SPIDR: variants seen among roughly 807,000 people sequenced by gnomAD.
The protein encoded by SPIDR is DNA repair-scaffolding protein.
SPIDR carries 93 observed loss-of-function variants against 104.6 expected under a neutral mutation model. That is an observed-to-expected ratio of 0.89 (90% confidence interval 0.75 to 1.06). SPIDR has a LOEUF of 1.06. Among genes scored for constraint, SPIDR ranks in the 50% least tolerant of loss-of-function variants. SPIDR has a pLI of 0.00. For synonymous variants in SPIDR, 431 were observed against 416.9 expected, an observed-to-expected ratio of 1.03 and a Z score of -0.41; for missense variants, 1,154 against 1,111.2, an observed-to-expected ratio of 1.04 and a Z score of -0.55.
At chr8:47,319,266 GA>G (rs1171061421) in intron 5 of SPIDR, among the ~76,000 whole-genome samples, 1 of 151,600 alleles carries the variant, frequency 6.6e-6, no homozygotes, top group African/African-American at 2.4e-5. Flanking sequence ...CAAGGAAATG[GA>G]AAACAAAAAA....
rs556866260 is a variant in SPIDR at position 47,552,033 on chromosome 8, G to A, written c.1098-43778G>A. On this transcript the variant is annotated intron_variant, in intron 8 of 19. Transcript: ENST00000297423. ...CTGCCTTCATTTCGTTATGTACCCA[G>A]TAGTCATTCAGGAGCAGGTTGTTCA... 6.6e-5 allele frequency among the ~76,000 whole-genome samples: 10 copies of A among 152,290 alleles called. No homozygotes were observed. In the South Asian group the frequency reaches 1.5e-3, roughly 22 times the overall value.
intron 10 of SPIDR, among the ~76,000 whole-genome samples, chr8:47,600,009 C>T (rs1479102746): frequency 2.0e-5 from 3 of 152,160 alleles, no homozygotes; most frequent in Admixed American, 6.5e-5. Flanking sequence ...CCACCCGCCT[C>T]GGCCTCCCAA....
rs587755807 is a variant in SPIDR at position 47,306,936 on chromosome 8, A to G, written c.525+12906A>G. On this transcript the variant is annotated intron_variant, in intron 5 of 19. Transcript: ENST00000297423. ...CTGTTCTGGTTAGTATTTGCATGGA[A>G]TATCTTTTTCTGTCTTTTAATTTTC... Among the ~76,000 whole-genome samples the G allele has an allele frequency of 3.3e-5, 5 of 152,244 alleles. No homozygotes were observed. The South Asian group carries it at 1.0e-3, about 32-fold the overall frequency.
In SPIDR at chr8:47,703,909, G is replaced by A. The variant is rs1303352697; in HGVS notation, c.1977+1894G>A. On this transcript the variant is annotated intron_variant, in intron 14 of 19. Coordinates refer to ENST00000297423, the MANE Select transcript of SPIDR (RefSeq NM_001080394.4). ...GAGACGGGGAGGGCCATCTACTGACGGCCACCGAGTAGGATGCAAGCTTGT... is the reference window on the plus strand; with the variant it reads ...GAGACGGGGAGGGCCATCTACTGACAGCCACCGAGTAGGATGCAAGCTTGT... Among the ~76,000 whole-genome samples, 12 of 152,140 alleles carry A rather than the reference G, an allele frequency of 7.9e-5. No homozygotes were observed. The East Asian group carries it at 1.9e-3, about 24-fold the overall frequency.
In SPIDR at chr8:47,538,946, C is replaced by G. The variant is rs530077829; in HGVS notation, c.1098-56865C>G. Among the ~76,000 whole-genome samples, 506 of 150,238 alleles carry G rather than the reference C, an allele frequency of 3.4e-3. 7 individuals are homozygous for G. The highest frequency in any genetic ancestry group is 0.012 in the African/African-American group (478 of 40,908). ...CACGATCTCGGCTCACTGCAACCTC[C>G]GCTTCCCAGGTTCAAGTGATTCTCC... On this transcript the variant is annotated intron_variant, in intron 8 of 19. Transcript: ENST00000297423.
At chr8:47,639,492 T>C (rs929999720) in intron 10 of SPIDR, among the ~76,000 whole-genome samples, 1 of 152,248 alleles carries the variant, frequency 6.6e-6, no homozygotes, top group Non-Finnish European at 1.5e-5. Context: ...TTTTTGACTT[T>C]TAGTTGTAGT....
At chr8:47,275,199 C>T (rs1053620433) in intron 1 of SPIDR, among the ~76,000 whole-genome samples, 34 of 151,514 alleles carry the variant, frequency 2.2e-4, no homozygotes, top group Non-Finnish European at 4.4e-4. Flanking sequence ...GTGGAGCTTG[C>T]AGTGAGCCCA....
intron 8 of SPIDR, among the ~76,000 whole-genome samples, chr8:47,503,594 C>T (rs1000950854): frequency 2.6e-5 from 4 of 152,140 alleles, no homozygotes; most frequent in Non-Finnish European, 5.9e-5. Flanking sequence ...ATCCAATTTG[C>T]CAGTCTGTGT....
intron 8 of SPIDR, among the ~76,000 whole-genome samples, chr8:47,577,234 A>C (rs7817202): frequency 6.6e-6 from 1 of 152,238 alleles, no homozygotes; most frequent in Non-Finnish European, 1.5e-5. Flanking sequence ...TAAACTGTTC[A>C]TGTCAACAAG....
At chr8:47,505,660 A>G (rs1185084464) in intron 8 of SPIDR, among the ~76,000 whole-genome samples, 19 of 151,666 alleles carry the variant, frequency 1.3e-4, no homozygotes, top group Admixed American at 1.2e-3. Context: ...CCCCAGTGCG[A>G]TACCTCAGTT....
chr8:47,500,461 A>G (rs150561782), intron 8 of SPIDR, among the ~76,000 whole-genome samples: 2 of 152,186 alleles, frequency 1.3e-5, no homozygotes, highest in Admixed American at 6.5e-5. Context: ...GTGTCTGTTC[A>G]TATCCTTCAC....
intron 7 of SPIDR, among the ~76,000 whole-genome samples, chr8:47,431,880 G>A (rs2067422568): frequency 1.3e-5 from 2 of 152,162 alleles, no homozygotes; most frequent in South Asian, 2.1e-4. Context: ...TTATGGGGGA[G>A]CATAAATTTT....
rs546537552 is a variant in SPIDR, at chr8:47,565,422, A to G, written c.1098-30389A>G. ...AAATTCTTTTTATTTTAACATTTTA[A>G]AAGTGAAAATAAAGAACCTTGTACC... On this transcript the variant is annotated intron_variant, in intron 8 of 19. Coordinates refer to ENST00000297423, the MANE Select transcript of SPIDR (RefSeq NM_001080394.4). Among the ~76,000 whole-genome samples the G allele has an allele frequency of 2.8e-3, 419 of 152,332 alleles. 1 individual carries two copies. The highest frequency in any genetic ancestry group is 9.8e-3 in the African/African-American group (409 of 41,576).
At chr8:47,629,515 G>A (rs1157768916) in intron 10 of SPIDR, among the ~76,000 whole-genome samples, 1 of 152,224 alleles carries the variant, frequency 6.6e-6, no homozygotes, top group African/African-American at 2.4e-5. Flanking sequence ...CACTTTGGGA[G>A]GCCGAGGCAG....
intron 5 of SPIDR, among the ~76,000 whole-genome samples, chr8:47,351,255 A>G (rs559257701): frequency 6.6e-6 from 1 of 152,256 alleles, no homozygotes; most frequent in African/African-American, 2.4e-5. Context: ...ATCTATGGTG[A>G]ATATAGCGTT....
intron 5 of SPIDR, among the ~76,000 whole-genome samples, chr8:47,333,189 G>A (rs1165169426): frequency 6.6e-6 from 1 of 152,134 alleles, no homozygotes; most frequent in Non-Finnish European, 1.5e-5. Flanking sequence ...CTGTCATCTT[G>A]TATGATATCA....
At chr8:47,580,416 A>G (rs1421681665) in intron 8 of SPIDR, among the ~76,000 whole-genome samples, 4 of 152,158 alleles carry the variant, frequency 2.6e-5, no homozygotes, top group African/African-American at 9.7e-5. Flanking sequence ...CATTAATTTC[A>G]TTTTCACAAG....
At chr8:47,321,463 G>A (rs1488978310) in intron 5 of SPIDR, among the ~76,000 whole-genome samples, 4 of 152,088 alleles carry the variant, frequency 2.6e-5, no homozygotes, top group Admixed American at 1.3e-4. Context: ...ACAAACAGAA[G>A]AACATTCCAT....
At chr8:47,608,219 C>A (rs1321464706) in intron 10 of SPIDR, among the ~76,000 whole-genome samples, 1 of 152,170 alleles carries the variant, frequency 6.6e-6, no homozygotes, top group Non-Finnish European at 1.5e-5. Flanking sequence ...TGACTGGCTT[C>A]TTTTACCTAG....
Sources: gnomAD v4.1 joint callset for allele counts (sites outside exome capture counted in the v4.1 genomes callset) on GRCh38, gnomAD v4.1.1 for gene constraint, MANE v1.5 for transcripts, NCBI Gene and HGNC (gene_info 2026-07-23, HGNC 2026-07-21) for gene names.